Variants in FRAS1 observed in about 807,000 individuals in gnomAD.
FRAS1 encodes the protein extracellular matrix organizing protein FRAS1.
Under a neutral mutation model 435.2 loss-of-function variants are expected in FRAS1, and 290 were observed. That is an observed-to-expected ratio of 0.67 (90% CI 0.61 to 0.73). The LOEUF (loss-of-function observed/expected upper bound fraction) is 0.73. Among genes scored for constraint, FRAS1 ranks in the 30% least tolerant of loss-of-function variants. FRAS1 has a pLI of 0.00. For synonymous variants in FRAS1, 1,800 were observed against 1,851.0 expected (o/e 0.97, Z 0.71); for missense variants, 4,860 against 5,001.5 (o/e 0.97, Z 0.85).
At chr4:78,300,499 T>C (rs1415522063) in intron 14 of FRAS1, among the ~76,000 whole-genome samples, 1 of 151,962 alleles carries the variant, frequency 6.6e-6, no homozygotes, top group Non-Finnish European at 1.5e-5. Context: ...TGTCTTTGCT[T>C]CCCACCCAAC....
intron 14 of FRAS1, among the ~76,000 whole-genome samples, chr4:78,303,442 G>A (rs558182846): frequency 0.012 from 1,842 of 152,116 alleles, 30 homozygotes; most frequent in Middle Eastern, 0.014. Flanking sequence ...TGTAAATTAC[G>A]TTGGGCAGTA....
chr4:78,172,670 A>G (rs998976454), intron 2 of FRAS1, among the ~76,000 whole-genome samples: 6 of 152,118 alleles, frequency 3.9e-5, no homozygotes, highest in Non-Finnish European at 7.3e-5. Flanking sequence ...TTTTTAGTGC[A>G]TGAATAAATT....
chr4:78,295,907 G>A (rs1728124838), intron 14 of FRAS1, among the ~76,000 whole-genome samples: 1 of 151,704 alleles, frequency 6.6e-6, no homozygotes, highest in African/African-American at 2.4e-5. Context: ...CACCACACCT[G>A]GCTAATTTTA....
chr4:78,065,483 G>A (rs1739987740), intron 1 of FRAS1, among the ~76,000 whole-genome samples: 1 of 152,040 alleles, frequency 6.6e-6, no homozygotes, highest in South Asian at 2.1e-4. Context: ...GTTTCACAAA[G>A]GAGATGGGAT....
chr4:78,201,772 G>A (rs978904010), intron 2 of FRAS1, among the ~76,000 whole-genome samples: 2 of 152,142 alleles, frequency 1.3e-5, no homozygotes, highest in Non-Finnish European at 2.9e-5. Context: ...TGTCAAAAAT[G>A]CAAACAGCAT....
intron 30 of FRAS1, among the ~76,000 whole-genome samples, chr4:78,406,824 T>C (rs1733115734): frequency 6.6e-6 from 1 of 152,214 alleles, no homozygotes; most frequent in Admixed American, 6.5e-5. Context: ...GCCTGCCGTA[T>C]GTCTTCCACT....
At chr4:78,063,025 C>G (rs1187433106) in intron 1 of FRAS1, among the ~76,000 whole-genome samples, 5 of 152,188 alleles carry the variant, frequency 3.3e-5, no homozygotes, top group African/African-American at 1.2e-4. Flanking sequence ...GATCAGCACT[C>G]TCTCACAGAA....
rs147986089 is a variant in FRAS1, at chr4:78,324,995, C to T, written c.2137+6009C>T. On this transcript the variant is annotated intron_variant, in intron 18 of 73. Transcript: ENST00000512123. ...CAAGTTTTTATTTTAAAAATGAACT[C>T]TGTACAACAATAATGAGTTTTACTT... 5.3e-5 allele frequency among the ~76,000 whole-genome samples: 8 copies of T among 152,228 alleles called. No individual in the cohort carries two copies. The East Asian group carries it at 1.5e-3, about 29-fold the overall frequency.
Position 78,282,605 on chromosome 4 carries a change from A to G in FRAS1, c.1108-215A>G, listed in dbSNP as rs1478332378. Among the ~76,000 whole-genome samples, 3 of 11,806 alleles carry G rather than the reference A, an allele frequency of 2.5e-4. No homozygotes were observed. The Non-Finnish European group carries it at 4.2e-3, about 17-fold the overall frequency. The allele number at this position is 11,806 out of a possible 152,430, so 7.7% of individuals were successfully genotyped here. ...TAAAATCTTTCGGCTGGTTCTCTAC[A>G]TTGAAGTAAAACCCATTATGAACAA... On this transcript the variant is annotated intron_variant, in intron 11 of 73. Transcript: ENST00000512123.
chr4:78,438,369 G>T (rs1241455582), intron 38 of FRAS1, among the ~76,000 whole-genome samples: 1 of 152,138 alleles, frequency 6.6e-6, no homozygotes, highest in Non-Finnish European at 1.5e-5. Context: ...AGAAAAATAT[G>T]TTATCAAAGA....
At chr4:78,191,955 G>T (rs1203097230) in intron 2 of FRAS1, among the ~76,000 whole-genome samples, 3 of 152,094 alleles carry the variant, frequency 2.0e-5, no homozygotes, top group Non-Finnish European at 4.4e-5. Context: ...TGGACATTTG[G>T]GTTGGTTCCA....
rs114326069 is a variant in FRAS1 at position 78,339,170 on chromosome 4, T to C, written c.2422+1353T>C. Among the ~76,000 whole-genome samples the C allele has an allele frequency of 6.8e-4, 104 of 152,320 alleles. 1 individual carries two copies. The Middle Eastern group carries it at 0.027, about 40-fold the overall frequency. Reference sequence around the variant, plus strand: ...AATGGGAGATAGTAGTGCCCATCCCTGAAAGAGAATCTGGGGATGGAAGGG... The same window carrying C: ...AATGGGAGATAGTAGTGCCCATCCCCGAAAGAGAATCTGGGGATGGAAGGG... On this transcript the variant is annotated intron_variant, in intron 20 of 73. Coordinates refer to ENST00000512123, the MANE Select transcript of FRAS1 (RefSeq NM_025074.7).
chr4:78,413,771 T>G (rs1217682957), intron 32 of FRAS1, among the ~76,000 whole-genome samples: 1 of 152,204 alleles, frequency 6.6e-6, no homozygotes, highest in African/African-American at 2.4e-5. Context: ...GAAAGCCTCG[T>G]ATGCTGGTGG....
At chr4:78,192,068 T>C (rs558981755) in intron 2 of FRAS1, among the ~76,000 whole-genome samples, 42 of 152,340 alleles carry the variant, frequency 2.8e-4, no homozygotes, top group Non-Finnish European at 3.5e-4. Context: ...GTTCTGTTTA[T>C]ATGCTGGATT....
At chr4:78,230,487 A>G (rs938343431) in intron 2 of FRAS1, among the ~76,000 whole-genome samples, 5 of 152,340 alleles carry the variant, frequency 3.3e-5, no homozygotes, top group East Asian at 1.9e-4. Flanking sequence ...AGCTGTCTGA[A>G]GAAGGGCACT....
At chr4:78,414,731 G>A (rs1215561236) in intron 32 of FRAS1, among the ~76,000 whole-genome samples, 4 of 152,164 alleles carry the variant, frequency 2.6e-5, no homozygotes, top group African/African-American at 4.8e-5. Context: ...CATTCATTCA[G>A]TCTCTCATTC....
Position 78,540,542 on chromosome 4 carries a change from A to C in FRAS1, c.11457A>C (p.Gly3819=). 4 of 1,493,512 alleles carry C rather than the reference A, an allele frequency of 2.7e-6. No homozygotes were observed. Among genetic ancestry groups the C allele is most frequent in the Non-Finnish European group, 3.6e-6 (4 of 1,120,874 alleles). The allele number at this position is 1,493,512 out of a possible 1,614,324, so 92.5% of individuals were successfully genotyped here. The part of the protein sequence containing the change: ...KVDALYKVEA[G]HQWYLQVIYI... ...TTGTCCCCCTGCAGGTGGAAGCAGG[A>C]CACCAGTGGTATCTCCAGGTCATCT... Residue 3819 remains glycine, a synonymous_variant, in exon 74 of 74, where the codon GGA becomes GGC. Coordinates refer to ENST00000512123, the MANE Select transcript of FRAS1 (RefSeq NM_025074.7).
At chr4:78,125,386 G>A (rs540599900) in intron 2 of FRAS1, among the ~76,000 whole-genome samples, 1 of 152,232 alleles carries the variant, frequency 6.6e-6, no homozygotes, top group Non-Finnish European at 1.5e-5. Flanking sequence ...TTTTACATTT[G>A]CTGAGGAGTG....
chr4:78,094,482 G>A (rs1411348429), intron 2 of FRAS1, among the ~76,000 whole-genome samples: 1 of 151,638 alleles, frequency 6.6e-6, no homozygotes, highest in East Asian at 1.9e-4. Context: ...GATTTTAGGT[G>A]AATTTTAGCT....
Sources: allele counts gnomAD v4.1 joint callset (sites outside exome capture counted in the v4.1 genomes callset), GRCh38; gene constraint gnomAD v4.1.1; transcripts MANE v1.5; gene names NCBI Gene and HGNC (gene_info 2026-07-23, HGNC 2026-07-21).